The following PACRG variants were observed in gnomAD, a reference collection of about 807,000 sequenced individuals.
The protein encoded by PACRG is parkin coregulated gene protein.
In PACRG, 29 loss-of-function variants were observed where a neutral mutation model predicts 29.7. That is an observed-to-expected ratio of 0.98 (90% CI 0.73 to 1.33). PACRG has a LOEUF of 1.33. PACRG is among the 40% of genes most tolerant of loss of function. The probability of loss-of-function intolerance (pLI) is 0.00; values close to 1 mark genes in which losing one functional copy is unlikely to be tolerated. For synonymous variants in PACRG, 116 were observed against 118.7 expected (o/e 0.98, Z 0.15); for missense variants, 279 against 316.2 (o/e 0.88, Z 0.89).
At chr6:163,064,588 A>G (rs886827635) in intron 3 of PACRG, among the ~76,000 whole-genome samples, 1 of 152,250 alleles carries the variant, frequency 6.6e-6, no homozygotes, top group Non-Finnish European at 1.5e-5. Context: ...TTTCTCAAGA[A>G]GAAATGCTGA....
chr6:162,934,937 G>T (rs868770378), intron 2 of PACRG, among the ~76,000 whole-genome samples: 1 of 152,144 alleles, frequency 6.6e-6, no homozygotes, highest in South Asian at 2.1e-4. Flanking sequence ...ATTTATGAAG[G>T]ATAGCTTTGC....
At chr6:163,033,928 G>A (rs2093715) in intron 2 of PACRG, among the ~76,000 whole-genome samples, 83,995 of 152,068 alleles carry the variant, frequency 0.55, 25,621 homozygotes, top group East Asian at 0.94. Context: ...ACCCCTCATT[G>A]TGACAGAACA....
Position 163,254,861 on chromosome 6 carries a change from G to A in PACRG, c.614-59966G>A, listed in dbSNP as rs576333424. Among the ~76,000 whole-genome samples, 21 of 152,334 alleles carry A rather than the reference G, an allele frequency of 1.4e-4. No homozygotes were observed. In the South Asian group the frequency reaches 4.1e-3, roughly 30 times the overall value. ...TGCACTGTGCTGATGTTTTTAAAGCGTGGGCTGTAACAGAAGAGATGATCT... is the reference window on the plus strand; with the variant it reads ...TGCACTGTGCTGATGTTTTTAAAGCATGGGCTGTAACAGAAGAGATGATCT... On this transcript the variant is annotated intron_variant, in intron 4 of 4. Coordinates refer to ENST00000366888, the MANE Select transcript of PACRG (RefSeq NM_001080379.2).
chr6:162,993,308 G>A (rs988174453), intron 2 of PACRG, among the ~76,000 whole-genome samples: 3 of 131,500 alleles, frequency 2.3e-5, no homozygotes, highest in African/African-American at 5.9e-5. Context: ...TTGACTTTCT[G>A]TCTCATTGAT....
At position 163,255,672 on chromosome 6, in the gene PACRG, T is replaced by C. The variant is rs111798567; in HGVS notation, c.614-59155T>C. Reference sequence around the variant, plus strand: ...CAGAGTTTGAGACAGAGCCTTGCTCTGTCACCCAGGCTGGAGTGCAATGGC... The same window carrying C: ...CAGAGTTTGAGACAGAGCCTTGCTCCGTCACCCAGGCTGGAGTGCAATGGC... On this transcript the variant is annotated intron_variant, in intron 4 of 4. Coordinates refer to ENST00000366888, the MANE Select transcript of PACRG (RefSeq NM_001080379.2). Among the ~76,000 whole-genome samples, 1,205 of 152,260 alleles carry C rather than the reference T, an allele frequency of 7.9e-3. 21 individuals carry two copies. The highest frequency in any genetic ancestry group is 0.028 in the African/African-American group (1,144 of 41,548).
intron 1 of PACRG, among the ~76,000 whole-genome samples, chr6:162,761,644 A>C (rs1297607691): frequency 6.6e-6 from 1 of 152,150 alleles, no homozygotes; most frequent in African/African-American, 2.4e-5. Flanking sequence ...AGTGAATTTC[A>C]AAACCTGAGT....
At chr6:163,311,783 G>C (rs984443974) in intron 4 of PACRG, among the ~76,000 whole-genome samples, 1 of 149,362 alleles carries the variant, frequency 6.7e-6, no homozygotes, top group Non-Finnish European at 1.5e-5. Context: ...AACAAAAAAA[G>C]CTACATAGTT....
At chr6:163,069,670 T>G (rs1474175961) in intron 3 of PACRG, among the ~76,000 whole-genome samples, 1 of 151,746 alleles carries the variant, frequency 6.6e-6, no homozygotes, top group African/African-American at 2.4e-5. Flanking sequence ...ATCTAGAAAA[T>G]AGCCCCAAAG....
chr6:162,742,715 A>T (rs1323870516), intron 1 of PACRG, among the ~76,000 whole-genome samples: 1 of 151,988 alleles, frequency 6.6e-6, no homozygotes, highest in African/African-American at 2.4e-5. Context: ...TATATGCTAC[A>T]CTTTCTTTAA....
Position 162,835,835 on chromosome 6 carries a change from A to T in PACRG, c.291+21554A>T, listed in dbSNP as rs369013163. Among the ~76,000 whole-genome samples, 13 of 152,172 alleles carry T rather than the reference A, an allele frequency of 8.5e-5. 1 individual carries two copies. The highest frequency in any genetic ancestry group is 2.9e-4 in the African/African-American group (12 of 41,530). ...AGTAATAACTCACTCCAACTTTTCA[A>T]CTCTTTTAAGGTCTTCTGTTACAAA... On this transcript the variant is annotated intron_variant, in intron 2 of 4. Coordinates refer to ENST00000366888, the MANE Select transcript of PACRG (RefSeq NM_001080379.2).
intron 2 of PACRG, among the ~76,000 whole-genome samples, chr6:162,818,934 C>T (rs1296951541): frequency 6.6e-6 from 1 of 152,080 alleles, no homozygotes; most frequent in Non-Finnish European, 1.5e-5. Context: ...AAATCACAAA[C>T]CTCTCAAATT....
chr6:162,890,576 A>G (rs1374510767), intron 2 of PACRG, among the ~76,000 whole-genome samples: 1 of 152,172 alleles, frequency 6.6e-6, no homozygotes, highest in Non-Finnish European at 1.5e-5. Flanking sequence ...GCTCACACTC[A>G]GCGCCTTAGC....
At chr6:162,806,979 G>A (rs1786396777) in intron 1 of PACRG, among the ~76,000 whole-genome samples, 1 of 152,148 alleles carries the variant, frequency 6.6e-6, no homozygotes, top group Non-Finnish European at 1.5e-5. Flanking sequence ...TGGAAAATTT[G>A]CTGCAGCTTC....
intron 2 of PACRG, among the ~76,000 whole-genome samples, chr6:162,921,690 A>G (rs903497391): frequency 1.3e-5 from 2 of 152,136 alleles, no homozygotes; most frequent in African/African-American, 2.4e-5. Context: ...GTATACACTT[A>G]TTGGATACAG....
chr6:163,020,550 C>T (rs921610274), intron 2 of PACRG, among the ~76,000 whole-genome samples: 10 of 152,192 alleles, frequency 6.6e-5, no homozygotes, highest in Non-Finnish European at 5.9e-5. Context: ...CCGGTTTGAG[C>T]GGTGAGTATT....
chr6:163,209,518 G>A (rs1375024008), intron 4 of PACRG, among the ~76,000 whole-genome samples: 2 of 152,212 alleles, frequency 1.3e-5, no homozygotes, highest in Admixed American at 6.5e-5. Flanking sequence ...TGTTAATATT[G>A]ACAGGTTATG....
At chr6:163,222,400 T>C (rs1365290755) in intron 4 of PACRG, among the ~76,000 whole-genome samples, 1 of 152,070 alleles carries the variant, frequency 6.6e-6, no homozygotes, top group East Asian at 1.9e-4. Flanking sequence ...GCCAACATGG[T>C]GAAACCCCAT....
chr6:163,059,112 TA>T (rs1411191529), intron 2 of PACRG, among the ~76,000 whole-genome samples: 1 of 151,596 alleles, frequency 6.6e-6, no homozygotes, highest in African/African-American at 2.4e-5. Context: ...AAAAAAGAAC[TA>T]AACAGAAGAT....
In PACRG at chr6:163,107,983, A is replaced by G. The variant is rs948475204; in HGVS notation, c.613+18575A>G. On this transcript the variant is annotated intron_variant, in intron 4 of 4. Coordinates refer to ENST00000366888, the MANE Select transcript of PACRG (RefSeq NM_001080379.2). ...GAATCCTGCTTTCCTCCGAATGTGT[A>G]AAAATTAATAACTGTTAATAGTCCT... 2.6e-5 allele frequency among the ~76,000 whole-genome samples: 4 copies of G among 152,332 alleles called. No individual in the cohort carries two copies. In the East Asian group the frequency reaches 7.7e-4, roughly 29 times the overall value.
Sources: allele counts gnomAD v4.1 joint callset (sites outside exome capture counted in the v4.1 genomes callset), GRCh38; gene constraint gnomAD v4.1.1; transcripts MANE v1.5; gene names NCBI Gene and HGNC (gene_info 2026-07-23, HGNC 2026-07-21).